ANKRD42: variants seen among roughly 807,000 people sequenced by gnomAD.
The protein encoded by ANKRD42 is ankyrin repeat domain-containing protein 42.
ANKRD42 carries 43 observed loss-of-function variants against 51.5 expected under a neutral mutation model. That is an observed-to-expected ratio of 0.83 (90% CI 0.65 to 1.08). ANKRD42 has a LOEUF of 1.08. Ranked by LOEUF, ANKRD42 falls within the 50% of genes least tolerant of loss-of-function variation. The pLI is 0.00. For synonymous variants in ANKRD42, 203 were observed against 213.0 expected (o/e 0.95, Z 0.41); for missense variants, 608 against 629.3 (o/e 0.97, Z 0.36).
chr11:83,255,830 T>C (rs1863761646), intron 11 of ANKRD42: 1 of 1,514,234 alleles, frequency 6.6e-7, no homozygotes, highest in African/African-American at 1.4e-5. Flanking sequence ...TGACCCTCTT[T>C]TCCTTTGCTT....
chr11:83,209,496 G>A (rs958881736), intron 3 of ANKRD42: 15 of 1,174,266 alleles, frequency 1.3e-5, no homozygotes, highest in East Asian at 7.0e-5. Context: ...AAGCTGGTCC[G>A]TAAAACCCAT....
rs1396701301 is a variant in ANKRD42 at position 83,224,916 on chromosome 11, C to G, written c.648C>G (p.Ser216Arg). The G allele has an allele frequency of 1.2e-6, 2 of 1,611,496 alleles. No individual in the cohort carries two copies. The highest frequency in any genetic ancestry group is 1.7e-6 in the Non-Finnish European group (2 of 1,178,242). Residue 216 changes from serine to arginine, a missense_variant, in exon 6 of 11, where the codon AGC (serine) becomes AGG (arginine). Transcript: ENST00000533342. The stretch of plus-strand genomic sequence containing the variant: ...TCAAATTCCTAGTCAGTAGAATGAG[C>G]AGTGCGACGCAAGTTTTAAAAGCTT... ...HCFKFLVSRM[S>R]SATQVLKAFN...
chr11:83,198,349 A>G (rs1861740079), intron 1 of ANKRD42, 130 bp from the exon 2 acceptor site: 4 of 921,218 alleles, frequency 4.3e-6, no homozygotes, highest in Non-Finnish European at 6.4e-6. Context: ...GATATTAATG[A>G]CAAACATCTT....
chr11:83,197,503 A>G (rs1274725807), intron 1 of ANKRD42, among the ~76,000 whole-genome samples: 2 of 152,226 alleles, frequency 1.3e-5, no homozygotes, highest in African/African-American at 4.8e-5. Flanking sequence ...AGAAATTAAC[A>G]TTCTGATTGT....
intron 5 of ANKRD42, among the ~76,000 whole-genome samples, chr11:83,222,216 C>A (rs1862737365): frequency 6.6e-6 from 1 of 152,028 alleles, no homozygotes; most frequent in Admixed American, 6.6e-5. Context: ...TTTTTGTTTT[C>A]TTTGATAGAG....
intron 8 of ANKRD42, among the ~76,000 whole-genome samples, chr11:83,239,058 T>G (rs943672718): frequency 1.3e-5 from 2 of 152,154 alleles, no homozygotes; most frequent in African/African-American, 4.8e-5. Context: ...TCTGTTGTTC[T>G]ACATTCTCAC....
exon 12 of ANKRD42, chr11:83,256,061 A>C: frequency 3.2e-6 from 2 of 633,744 alleles, no homozygotes; most frequent in Non-Finnish European, 5.0e-6. Flanking sequence ...CTGATGGCAG[A>C]AATGTTATAT....
chr11:83,248,977 A>G, downstream of ANKRD42: 2 of 983,830 alleles, frequency 2.0e-6, no homozygotes, highest in Non-Finnish European at 2.4e-6. Flanking sequence ...TAATTAATCT[A>G]TTCTCTTCAT....
chr11:83,256,056 G>A (rs1863767775), exon 12 of ANKRD42: 5 of 652,276 alleles, frequency 7.7e-6, no homozygotes, highest in Non-Finnish European at 1.2e-5. Context: ...CAATTCTGAT[G>A]GCAGAAATGT....
chr11:83,208,982 A>G (rs1171205924), intron 3 of ANKRD42, among the ~76,000 whole-genome samples: 1 of 152,192 alleles, frequency 6.6e-6, no homozygotes, highest in Non-Finnish European at 1.5e-5. Context: ...TACTCTGGAT[A>G]TGGTATAACC....
At chr11:83,244,300 C>T (rs1414081876) in intron 9 of ANKRD42, among the ~76,000 whole-genome samples, 1 of 152,118 alleles carries the variant, frequency 6.6e-6, no homozygotes, top group Non-Finnish European at 1.5e-5. Context: ...TTATTAAGTA[C>T]ATATTCTTGA....
At chr11:83,262,237 C>T (rs1316719250), downstream of ANKRD42, among the ~76,000 whole-genome samples, 1 of 152,024 alleles carries the variant, frequency 6.6e-6, no homozygotes, top group Non-Finnish European at 1.5e-5. Context: ...TTAACGCTAG[C>T]ATTATTGACT....
rs539259244 is a variant in ANKRD42 at position 83,242,567 on chromosome 11, G to GTTT, written c.1195+1649_1195+1651dup. Among the ~76,000 whole-genome samples the GTTT allele has an allele frequency of 2.0e-3, 236 of 115,544 alleles. 17 individuals carry two copies. The highest frequency in any genetic ancestry group is 6.6e-3 in the African/African-American group (192 of 28,926). The allele number at this position is 115,544 out of a possible 152,430, so 75.8% of individuals were successfully genotyped here. On this transcript the variant is annotated intron_variant, in intron 9 of 10. Coordinates refer to ENST00000533342, the MANE Select transcript of ANKRD42 (RefSeq NM_001300975.2). ...GGGGAATTCGGTGAATGGTAGTTAAGTTTTTTTTTTTTTTTTTTAGATGGA... is the reference window on the plus strand; with the variant it reads ...GGGGAATTCGGTGAATGGTAGTTAAGTTTTTTTTTTTTTTTTTTTTTAGATGGA...
At chr11:83,236,287 A>C (rs1863218674) in intron 7 of ANKRD42, 117 bp from the exon 8 acceptor site, 1 of 624,532 alleles carries the variant, frequency 1.6e-6, no homozygotes, top group South Asian at 2.8e-5. Context: ...CAGTTACTGC[A>C]AGGATCAATA....
intron 9 of ANKRD42, among the ~76,000 whole-genome samples, chr11:83,242,567 G>GTTTTTTTTTTGTTT (rs770772334): frequency 8.7e-6 from 1 of 115,546 alleles, no homozygotes; most frequent in South Asian, 3.1e-4. Context: ...TGGTAGTTAA[G>GTTTTTTTTTTGTTT]TTTTTTTTTT....
intron 7 of ANKRD42, among the ~76,000 whole-genome samples, chr11:83,230,966 A>G (rs532408666): frequency 1.3e-5 from 2 of 152,272 alleles, no homozygotes; most frequent in Admixed American, 6.5e-5. Flanking sequence ...CTGTTGGTGG[A>G]CACTTAGATT....
chr11:83,261,962 C>T (rs8789), downstream of ANKRD42: 647,366 of 1,580,352 alleles, frequency 0.41, 135,622 homozygotes, highest in African/African-American at 0.58. Flanking sequence ...AAGTAAACAC[C>T]GAAGCTGTGA....
rs929988145 is a variant in ANKRD42 at position 83,194,047 on chromosome 11, C to A, written c.-624C>A. ...TGACTTGAGAAGGGTCAGTGAAAAC[C>A]TCGGCCACTGCCGCAGCGTCTCTAG... is the stretch of plus-strand genomic sequence containing the variant. On this transcript the variant is annotated 5_prime_UTR_variant, in exon 1 of 11. Coordinates refer to ENST00000533342, the MANE Select transcript of ANKRD42 (RefSeq NM_001300975.2). 1 of 456,540 alleles carries A rather than the reference C, an allele frequency of 2.2e-6. No homozygotes were observed. Among genetic ancestry groups the A allele is most frequent in the Non-Finnish European group, 4.4e-6 (1 of 226,800 alleles). 28.3% of individuals were successfully genotyped at this position (456,540 alleles called of 1,614,324 possible). A position where few individuals can be genotyped will look rare whatever the true frequency, so the allele number is the denominator to read the frequency against.
chr11:83,202,060 CTT>C, intron 2 of ANKRD42, among the ~76,000 whole-genome samples: 1 of 152,310 alleles, frequency 6.6e-6, no homozygotes, highest in South Asian at 2.1e-4. Context: ...GTCATGAAGT[CTT>C]TGCCCATGGC....
Sources: allele counts gnomAD v4.1 joint callset (sites outside exome capture counted in the v4.1 genomes callset), GRCh38; gene constraint gnomAD v4.1.1; transcripts MANE v1.5; gene names NCBI Gene and HGNC (gene_info 2026-07-23, HGNC 2026-07-21).